SIPA1L1: variants seen among roughly 807,000 people sequenced by gnomAD.
The protein encoded by SIPA1L1 is signal induced proliferation associated 1 like 1, also known as signal-induced proliferation-associated 1-like protein 1.
Under a neutral mutation model 162.7 loss-of-function variants are expected in SIPA1L1, and 26 were observed. The ratio of observed to expected loss-of-function variants is 0.16; its 90% CI spans 0.12 to 0.22. SIPA1L1 has a LOEUF of 0.22. Among genes scored for constraint, SIPA1L1 ranks in the 10% least tolerant of loss-of-function variants. SIPA1L1 has a pLI of 1.00. For missense variants in SIPA1L1, 1,874 were observed against 2,241.0 expected (o/e 0.84, Z 3.31); for synonymous variants, 829 against 837.4 (o/e 0.99, Z 0.17).
chr14:71,733,102 T>G (rs2084953241), intron 20 of SIPA1L1, among the ~76,000 whole-genome samples: 1 of 152,166 alleles, frequency 6.6e-6, no homozygotes, highest in Non-Finnish European at 1.5e-5. Context: ...TCCTAGCTAC[T>G]TGGGAGGCTG....
Position 71,361,894 on chromosome 14 carries a change from G to T in SIPA1L1, c.-465+40713G>T, listed in dbSNP as rs1008878613. Among the ~76,000 whole-genome samples, 3 of 152,180 alleles carry T rather than the reference G, an allele frequency of 2.0e-5. No homozygotes were observed. The East Asian group carries it at 5.8e-4, about 29-fold the overall frequency. ...TACCATGCTAGTATCATGTACTAGT[G>T]GTCTTTTCTCACTGAAGGCATACTG... is the stretch of plus-strand genomic sequence containing the variant. On this transcript the variant is annotated intron_variant, in intron 2 of 23. Transcript: ENST00000381232.
intron 2 of SIPA1L1, among the ~76,000 whole-genome samples, chr14:71,432,337 T>C (rs1427593306): frequency 6.6e-6 from 1 of 152,022 alleles, no homozygotes; most frequent in Non-Finnish European, 1.5e-5. Context: ...CCTCCCAGAT[T>C]GTTGAGATTA....
intron 4 of SIPA1L1, among the ~76,000 whole-genome samples, chr14:71,552,598 G>A (rs1057445546): frequency 3.3e-5 from 5 of 151,632 alleles, no homozygotes; most frequent in African/African-American, 4.8e-5. Flanking sequence ...GGGTTTCACC[G>A]TGTTAGCCAA....
Position 71,454,395 on chromosome 14 carries a change from C to G in SIPA1L1, c.-464-58348C>G, listed in dbSNP as rs1225595228. 2.6e-5 allele frequency among the ~76,000 whole-genome samples: 4 copies of G among 152,132 alleles called. 1 individual carries two copies. Among genetic ancestry groups the G allele is most frequent in the Non-Finnish European group, 4.4e-5 (3 of 68,022 alleles). The stretch of plus-strand genomic sequence containing the variant: ...CCAGTAATATATAAAAGTGGATTGG[C>G]AGTTATTGAATCTCAGATAAAGGAC... On this transcript the variant is annotated intron_variant, in intron 2 of 23. Transcript: ENST00000381232.
At chr14:71,381,521 G>A (rs1341517540) in intron 2 of SIPA1L1, among the ~76,000 whole-genome samples, 2 of 152,168 alleles carry the variant, frequency 1.3e-5, no homozygotes, top group South Asian at 2.1e-4. Flanking sequence ...GGAAAATAGA[G>A]TTATATAACT....
intron 2 of SIPA1L1, among the ~76,000 whole-genome samples, chr14:71,453,996 CAAAAAAAAAAAAAAAAAAAAA>C (rs751420064): frequency 2.0e-4 from 15 of 76,534 alleles, no homozygotes; most frequent in African/African-American, 3.2e-4. Context: ...GAGATTGTTT[CAAAAAAAAAAAAAAAAAAAAA>C]AAAAAAAAGG....
chr14:71,560,902 A>G (rs1173361392), intron 4 of SIPA1L1, among the ~76,000 whole-genome samples: 2 of 152,178 alleles, frequency 1.3e-5, no homozygotes, highest in African/African-American at 4.8e-5. Context: ...AGTCATACAT[A>G]TCCTGTCATT....
rs569011110 is a variant in SIPA1L1, at chr14:71,613,177, A to G, written c.1499-5580A>G. ...CCAAGTTTTATTTAATGATTTTTTT[A>G]TTCATAATAAAATTTTAGAAACTTA... On this transcript the variant is annotated intron_variant, in intron 5 of 23. Transcript: ENST00000381232. Among the ~76,000 whole-genome samples the G allele has an allele frequency of 2.0e-4, 30 of 152,270 alleles. No homozygotes were observed. The South Asian group carries it at 6.0e-3, about 30-fold the overall frequency.
At chr14:71,561,311 C>T (rs972407317) in intron 4 of SIPA1L1, among the ~76,000 whole-genome samples, 2 of 152,076 alleles carry the variant, frequency 1.3e-5, no homozygotes, top group African/African-American at 4.8e-5. Flanking sequence ...ATTAGCAATG[C>T]TATAATTCCA....
At chr14:71,338,825 C>T (rs1371098867) in intron 2 of SIPA1L1, among the ~76,000 whole-genome samples, 5 of 150,518 alleles carry the variant, frequency 3.3e-5, no homozygotes, top group East Asian at 3.9e-4. Context: ...CTGCAACCTC[C>T]GCCTCCTGGG....
At chr14:71,540,708 C>G (rs151037799) in intron 4 of SIPA1L1, among the ~76,000 whole-genome samples, 1 of 152,176 alleles carries the variant, frequency 6.6e-6, no homozygotes, top group African/African-American at 2.4e-5. Flanking sequence ...GAATTTTCCT[C>G]CTCCAAGAGA....
chr14:71,589,026 C>T lies in SIPA1L1; in HGVS notation c.1154C>T (p.Pro385Leu). The change falls in exon 5 of 24, where the codon CCA becomes CTA. Residue 385 changes from proline to leucine, a missense_variant. Around this residue, in one of 5 missense-constraint regions of SIPA1L1, gnomAD observed 685 missense variants for 828.0 expected, o/e 0.83. Coordinates refer to ENST00000381232, the MANE Select transcript of SIPA1L1 (RefSeq NM_001386936.1). ...TCTCATTCAGCCAGTTTTAGCTCCC[C>T]AATGGGCAGCACAGAGGACCTGAAT... is the stretch of plus-strand genomic sequence containing the variant. ...PLSHSASFSS[P>L]MGSTEDLNSK... The T allele has an allele frequency of 6.2e-7, 1 of 1,614,124 alleles. No individual in the cohort carries two copies. Among genetic ancestry groups the T allele is most frequent in the Non-Finnish European group, 8.5e-7 (1 of 1,179,994 alleles).
At chr14:71,490,083 C>CT (rs1203070451) in intron 2 of SIPA1L1, among the ~76,000 whole-genome samples, 1 of 152,078 alleles carries the variant, frequency 6.6e-6, no homozygotes. Context: ...TTATTGCTAA[C>CT]TTTTTAATAA....
intron 3 of SIPA1L1, among the ~76,000 whole-genome samples, chr14:71,514,772 A>G (rs752432902): frequency 1.3e-5 from 2 of 152,248 alleles, no homozygotes; most frequent in Non-Finnish European, 2.9e-5. Context: ...AGCAACACCT[A>G]GATTAGTGTT....
intron 2 of SIPA1L1, among the ~76,000 whole-genome samples, chr14:71,366,001 C>T (rs888529713): frequency 6.6e-6 from 1 of 151,470 alleles, no homozygotes; most frequent in African/African-American, 2.4e-5. Context: ...GCTGGGATTA[C>T]AGGCATGAGC....
At chr14:71,449,223 A>T (rs1470558801) in intron 2 of SIPA1L1, among the ~76,000 whole-genome samples, 1 of 152,224 alleles carries the variant, frequency 6.6e-6, no homozygotes, top group Non-Finnish European at 1.5e-5. Flanking sequence ...GCCCTGTTGT[A>T]AATTACCTAA....
intron 7 of SIPA1L1, among the ~76,000 whole-genome samples, chr14:71,650,125 T>C (rs143447836): frequency 6.6e-6 from 1 of 152,366 alleles, no homozygotes; most frequent in East Asian, 1.9e-4. Flanking sequence ...GAAATTTTCA[T>C]TTATTTTTCT....
chr14:71,663,891 A>G (rs2043762196), intron 10 of SIPA1L1, among the ~76,000 whole-genome samples: 1 of 152,222 alleles, frequency 6.6e-6, no homozygotes, highest in Non-Finnish European at 1.5e-5. Flanking sequence ...CTGTTTATAA[A>G]TCCAAGAAAA....
intron 12 of SIPA1L1, among the ~76,000 whole-genome samples, chr14:71,684,412 C>T (rs898826660): frequency 3.3e-5 from 5 of 152,260 alleles, no homozygotes; most frequent in South Asian, 2.1e-4. Context: ...TCCCTCCCCG[C>T]GCCTTCAGCC....
Sources: allele counts gnomAD v4.1 joint callset (sites outside exome capture counted in the v4.1 genomes callset), GRCh38; gene constraint gnomAD v4.1.1; regional missense constraint gnomAD v4.1.1; transcripts MANE v1.5; gene names NCBI Gene and HGNC (gene_info 2026-07-23, HGNC 2026-07-21).